Variants in NELL1 observed in about 807,000 individuals in gnomAD.
NELL1 encodes the protein protein kinase C-binding protein NELL1.
NELL1 carries 76 observed loss-of-function variants against 107.4 expected under a neutral mutation model. That is an observed-to-expected ratio of 0.71 (90% CI 0.59 to 0.86). NELL1 has a LOEUF of 0.86. Among genes scored for constraint, NELL1 ranks in the 40% least tolerant of loss-of-function variants. The pLI, the probability that NELL1 is intolerant of heterozygous loss-of-function variation, is 0.00. For missense variants in NELL1, 1,024 were observed against 1,005.5 expected (o/e 1.02, Z -0.25); for synonymous variants, 353 against 341.2 (o/e 1.03, Z -0.38).
intron 14 of NELL1, among the ~76,000 whole-genome samples, chr11:21,265,868 C>T (rs960889086): frequency 1.3e-5 from 2 of 151,940 alleles, no homozygotes; most frequent in African/African-American, 4.8e-5. Flanking sequence ...TCTACAAATT[C>T]TTAGTTTTTC....
chr11:20,680,734 C>T (rs1007181678), intron 2 of NELL1, among the ~76,000 whole-genome samples: 2 of 152,064 alleles, frequency 1.3e-5, no homozygotes, highest in Non-Finnish European at 2.9e-5. Flanking sequence ...TCTGAGACAT[C>T]GTTCATTTTT....
chr11:21,380,755 C>G (rs894892458), intron 15 of NELL1, among the ~76,000 whole-genome samples: 1 of 151,980 alleles, frequency 6.6e-6, no homozygotes, highest in African/African-American at 2.4e-5. Flanking sequence ...TCCAGACAAA[C>G]AGCACATTTT....
chr11:21,103,066 T>C (rs1285869894), intron 12 of NELL1, among the ~76,000 whole-genome samples: 1 of 152,216 alleles, frequency 6.6e-6, no homozygotes, highest in Non-Finnish European at 1.5e-5. Flanking sequence ...TACATTTAGC[T>C]GATCATCATT....
chr11:20,723,257 A>G (rs1036462476), intron 2 of NELL1, among the ~76,000 whole-genome samples: 4 of 152,172 alleles, frequency 2.6e-5, no homozygotes, highest in African/African-American at 9.7e-5. Context: ...TAACTCAAAA[A>G]TCTAAGTCCA....
intron 12 of NELL1, among the ~76,000 whole-genome samples, chr11:21,013,586 C>CT (rs903744745): frequency 1.3e-5 from 2 of 152,084 alleles, no homozygotes; most frequent in African/African-American, 4.8e-5. Context: ...CTCTTTCTCT[C>CT]TTTTTTAATG....
intron 16 of NELL1, among the ~76,000 whole-genome samples, chr11:21,548,830 G>T (rs1034001086): frequency 6.6e-6 from 1 of 151,064 alleles, no homozygotes; most frequent in African/African-American, 2.4e-5. Context: ...TGTGTGGCTG[G>T]CCCAGGGCAA....
chr11:20,777,051 G>A (rs991247922), intron 2 of NELL1, among the ~76,000 whole-genome samples: 2 of 152,198 alleles, frequency 1.3e-5, no homozygotes, highest in African/African-American at 4.8e-5. Flanking sequence ...GTGTATCATG[G>A]TGATTTACCC....
chr11:20,822,663 C>T (rs1468065079), intron 3 of NELL1, among the ~76,000 whole-genome samples: 2 of 152,120 alleles, frequency 1.3e-5, no homozygotes, highest in Non-Finnish European at 2.9e-5. Context: ...TACAGTCCTT[C>T]ATGTGGATGA....
At chr11:21,279,836 A>C (rs1848952594) in intron 14 of NELL1, among the ~76,000 whole-genome samples, 1 of 152,214 alleles carries the variant, frequency 6.6e-6, no homozygotes, top group Non-Finnish European at 1.5e-5. Context: ...CCAGGAGTTG[A>C]AAGGATAAAC....
intron 2 of NELL1, among the ~76,000 whole-genome samples, chr11:20,722,369 C>T (rs576933863): frequency 6.6e-6 from 1 of 152,240 alleles, no homozygotes; most frequent in African/African-American, 2.4e-5. Context: ...TGTCATCCAC[C>T]TCACAGTAAT....
rs374846857 is a variant in NELL1, at chr11:20,918,233, C to T, written c.655C>T (p.Gln219Ter). The T allele has an allele frequency of 1.3e-6, 2 of 1,589,624 alleles. No homozygotes were observed. The highest frequency in any genetic ancestry group is 1.7e-6 in the Non-Finnish European group (2 of 1,158,788). The change falls in exon 6 of 20, where the codon CAG becomes TAG. Residue 219 changes from glutamine (Q) to a stop codon, truncating the protein, a stop_gained. Transcript: ENST00000357134. LOFTEE classifies it high-confidence loss of function. ...CTTTATGCCGAATGGATATATAACA[C>T]AGTGTCCAAATCTAAATCACAGTAA... The part of the protein sequence containing the change: ...IIFMPNGYIT[Q>*]CPNLNHTCPT...
intron 14 of NELL1, among the ~76,000 whole-genome samples, chr11:21,293,641 T>C (rs1849317392): frequency 6.6e-6 from 1 of 152,210 alleles, no homozygotes; most frequent in South Asian, 2.1e-4. Context: ...TGTGTGTTTA[T>C]TGCAGCACTG....
At position 20,937,748 on chromosome 11, in the gene NELL1, A is replaced by G. The variant is rs377277061; in HGVS notation, c.998-38A>G. The G allele has an allele frequency of 1.5e-4, 225 of 1,523,410 alleles. 1 individual carries two copies. The highest frequency in any genetic ancestry group is 3.4e-4 in the Middle Eastern group (2 of 5,886). 94.4% of individuals were successfully genotyped at this position (1,523,410 alleles called of 1,614,324 possible). A position where few individuals can be genotyped will look rare whatever the true frequency, so the allele number is the denominator to read the frequency against. On this transcript the variant is annotated intron_variant, in intron 9 of 19. Coordinates refer to ENST00000357134, the MANE Select transcript of NELL1 (RefSeq NM_006157.5). ...TACCTCTGAGGTCATTTTGTGGCACAGCAGGACTGTCTGACCCATTTTTAT... is the reference window on the plus strand; with the variant it reads ...TACCTCTGAGGTCATTTTGTGGCACGGCAGGACTGTCTGACCCATTTTTAT...
At chr11:21,496,914 A>G (rs1452598774) in intron 15 of NELL1, among the ~76,000 whole-genome samples, 1 of 151,970 alleles carries the variant, frequency 6.6e-6, no homozygotes, top group Non-Finnish European at 1.5e-5. Flanking sequence ...GCTGAGAATG[A>G]TGGTTTCCAG....
chr11:21,046,429 T>C (rs555193652), intron 12 of NELL1, among the ~76,000 whole-genome samples: 1 of 152,286 alleles, frequency 6.6e-6, no homozygotes, highest in African/African-American at 2.4e-5. Flanking sequence ...TCAACTATAA[T>C]GTGTTCTGTG....
At chr11:21,568,861 A>G (rs1238476316) in intron 17 of NELL1, among the ~76,000 whole-genome samples, 1 of 100,234 alleles carries the variant, frequency 1.0e-5, no homozygotes, top group Non-Finnish European at 2.4e-5. Context: ...AGGCTGTTTT[A>G]GTTATCTCTT....
intron 15 of NELL1, among the ~76,000 whole-genome samples, chr11:21,484,651 A>G (rs1854581839): frequency 6.6e-6 from 1 of 152,080 alleles, no homozygotes; most frequent in Non-Finnish European, 1.5e-5. Flanking sequence ...TTATATATAC[A>G]TATGTACATT....
intron 13 of NELL1, among the ~76,000 whole-genome samples, chr11:21,143,046 G>A (rs1485857342): frequency 6.6e-6 from 1 of 152,162 alleles, no homozygotes; most frequent in Non-Finnish European, 1.5e-5. Flanking sequence ...AACCCAAGTG[G>A]GATGTAGGGA....
intron 13 of NELL1, among the ~76,000 whole-genome samples, chr11:21,163,444 G>T (rs568614885): frequency 6.6e-6 from 1 of 152,232 alleles, no homozygotes; most frequent in East Asian, 1.9e-4. Context: ...AGATGGGTTT[G>T]GCAGCTACGC....
Sources: allele counts gnomAD v4.1 joint callset (sites outside exome capture counted in the v4.1 genomes callset), GRCh38; gene constraint gnomAD v4.1.1; transcripts MANE v1.5; gene names NCBI Gene and HGNC (gene_info 2026-07-23, HGNC 2026-07-21).